KIRREL3: variants seen among roughly 807,000 people sequenced by gnomAD.
KIRREL3 encodes kin of IRRE-like protein 3.
A neutral mutation model predicts 89.7 loss-of-function variants in KIRREL3; 36 were observed. The ratio of observed to expected loss-of-function variants is 0.40; its 90% CI spans 0.31 to 0.53. The LOEUF is 0.53. KIRREL3 is among the 20% of genes least tolerant of loss of function. The pLI, the probability that KIRREL3 is intolerant of heterozygous loss-of-function variation, is 0.49. For missense variants in KIRREL3, 864 were observed against 1,056.6 expected (o/e 0.82, Z 2.53); for synonymous variants, 445 against 441.4 (o/e 1.01, Z -0.10).
At chr11:126,901,914 A>G (rs1413316473) in intron 1 of KIRREL3, among the ~76,000 whole-genome samples, 1 of 152,220 alleles carries the variant, frequency 6.6e-6, no homozygotes, top group Non-Finnish European at 1.5e-5. Flanking sequence ...TCGCAGCTAA[A>G]GTGACACCAG....
chr11:126,547,901 T>A (rs1186779505), intron 2 of KIRREL3, among the ~76,000 whole-genome samples: 2 of 152,344 alleles, frequency 1.3e-5, no homozygotes, highest in East Asian at 3.9e-4. Flanking sequence ...GGCGTTCAGC[T>A]GGCTTACTCT....
chr11:126,967,043 C>T (rs553190676), intron 1 of KIRREL3, among the ~76,000 whole-genome samples: 1 of 152,184 alleles, frequency 6.6e-6, no homozygotes, highest in South Asian at 2.1e-4. Context: ...CTCTGTAAGC[C>T]CAGAGAGCTG....
chr11:126,842,394 A>G (rs71475983), intron 1 of KIRREL3, among the ~76,000 whole-genome samples: 1,533 of 152,276 alleles, frequency 0.01, 15 homozygotes, highest in Non-Finnish European at 0.015. Flanking sequence ...AGGGTTCTGT[A>G]ATGTAAATCC....
At chr11:126,746,177 A>C (rs1949142925) in intron 1 of KIRREL3, among the ~76,000 whole-genome samples, 1 of 152,184 alleles carries the variant, frequency 6.6e-6, no homozygotes, top group Non-Finnish European at 1.5e-5. Flanking sequence ...TCTTTCACCT[A>C]TCCGGCAATT....
intron 1 of KIRREL3, among the ~76,000 whole-genome samples, chr11:126,950,799 A>C (rs1458964538): frequency 6.6e-6 from 1 of 152,206 alleles, no homozygotes; most frequent in Admixed American, 6.5e-5. Context: ...ATTTGCATAG[A>C]GCACCAAAGC....
In KIRREL3 at chr11:126,491,870, T is replaced by G. The variant is rs1379218119; in HGVS notation, c.434-18404A>C. Among the ~76,000 whole-genome samples the G allele has an allele frequency of 6.6e-6, 1 of 151,880 alleles. No individual in the cohort carries two copies. Among genetic ancestry groups the G allele is most frequent in the Non-Finnish European group, 1.5e-5 (1 of 67,982 alleles). ...GCGCGCACCACCATGCCTGGCTAATTTTTGTATTTTTAGTAGAGATGGGGT... is the reference window on the plus strand; with the variant it reads ...GCGCGCACCACCATGCCTGGCTAATGTTTGTATTTTTAGTAGAGATGGGGT... On this transcript the variant is annotated intron_variant, in intron 4 of 16. Coordinates refer to ENST00000525144, the MANE Select transcript of KIRREL3 (RefSeq NM_032531.4). The surrounding 1 kb of genome is among the most constrained non-coding windows in gnomAD (Gnocchi z 5.5).
chr11:126,916,244 C>T (rs1328542490), intron 1 of KIRREL3, among the ~76,000 whole-genome samples: 1 of 152,138 alleles, frequency 6.6e-6, no homozygotes, highest in East Asian at 1.9e-4. Flanking sequence ...TTCAGATCAC[C>T]TGAGTCTCAG....
Position 126,486,722 on chromosome 11 carries a change from C to A in KIRREL3, c.434-13256G>T, listed in dbSNP as rs116151035. Among the ~76,000 whole-genome samples the A allele has an allele frequency of 6.6e-6, 1 of 152,146 alleles. No homozygotes were observed. Among genetic ancestry groups the A allele is most frequent in the Non-Finnish European group, 1.5e-5 (1 of 68,036 alleles). ...TGGCCAAAACATTTGGGGCAAGTCA[C>A]GCAACTGGCAAGGACTCTGGCTCAG... On this transcript the variant is annotated intron_variant, in intron 4 of 16. Coordinates refer to ENST00000525144, the MANE Select transcript of KIRREL3 (RefSeq NM_032531.4). This position sits in a 1 kb window ranked among gnomAD's most constrained non-coding sequence, Gnocchi z 6.2.
chr11:126,911,004 C>G (rs981619118), intron 1 of KIRREL3, among the ~76,000 whole-genome samples: 1 of 152,178 alleles, frequency 6.6e-6, no homozygotes, highest in African/African-American at 2.4e-5. Flanking sequence ...TGCACCTGCC[C>G]TGGGCCACAG....
Position 126,431,516 on chromosome 11 carries a change from C to G in KIRREL3, c.1599G>C (p.Pro533=). The G allele has an allele frequency of 6.2e-7, 1 of 1,613,770 alleles. No homozygotes were observed. The highest frequency in any genetic ancestry group is 1.1e-5 in the South Asian group (1 of 91,080). Residue 533 remains proline (P), a synonymous_variant, in exon 14 of 17, where the codon CCG becomes CCC. Coordinates refer to ENST00000525144, the MANE Select transcript of KIRREL3 (RefSeq NM_032531.4). This position sits in a 1 kb window ranked among gnomAD's most constrained non-coding sequence, Gnocchi z 7.1. The stretch of plus-strand genomic sequence containing the variant: ...CGGCCACCCCAATGATGACGGCCAT[C>G]GGCACAGACTCTGTGGGAGAGAAGC... ...SGAGLEAESV[P]MAVIIGVAVG...
chr11:126,950,073 C>T (rs1297254494), intron 1 of KIRREL3, among the ~76,000 whole-genome samples: 1 of 152,032 alleles, frequency 6.6e-6, no homozygotes, highest in Non-Finnish European at 1.5e-5. Context: ...CACTTTCCAC[C>T]CTTAAAATAT....
chr11:126,815,706 TG>T (rs1168349106), intron 1 of KIRREL3, among the ~76,000 whole-genome samples: 2 of 152,006 alleles, frequency 1.3e-5, no homozygotes, highest in Admixed American at 6.5e-5. Context: ...GCTAATTTTT[TG>T]TATGTTTTTA....
intron 1 of KIRREL3, among the ~76,000 whole-genome samples, chr11:126,852,414 A>G (rs1419494082): frequency 6.6e-6 from 1 of 152,176 alleles, no homozygotes; most frequent in African/African-American, 2.4e-5. Flanking sequence ...CCAATCATCT[A>G]ATCTCTCTTA....
At chr11:126,693,258 A>C (rs547372691) in intron 1 of KIRREL3, among the ~76,000 whole-genome samples, 2 of 152,150 alleles carry the variant, frequency 1.3e-5, no homozygotes, top group Non-Finnish European at 2.9e-5. Context: ...GTCTCCAGTA[A>C]AATACAAAAA....
intron 1 of KIRREL3, among the ~76,000 whole-genome samples, chr11:126,841,123 T>C (rs1226483420): frequency 2.0e-5 from 3 of 152,204 alleles, no homozygotes; most frequent in Non-Finnish European, 4.4e-5. Context: ...ATAGTGTATA[T>C]AGGGTTTGGG....
intron 1 of KIRREL3, among the ~76,000 whole-genome samples, chr11:126,960,593 G>A (rs1319872577): frequency 6.6e-6 from 1 of 152,200 alleles, no homozygotes; most frequent in East Asian, 1.9e-4. Flanking sequence ...TGAGTTGGCT[G>A]ATGGGTAGAG....
At chr11:126,816,996 G>A (rs531853158) in intron 1 of KIRREL3, among the ~76,000 whole-genome samples, 20 of 152,180 alleles carry the variant, frequency 1.3e-4, no homozygotes, top group South Asian at 6.2e-4. Context: ...AAGGAAACAC[G>A]TTACTTTAGG....
At position 126,501,504 on chromosome 11, in the gene KIRREL3, C is replaced by T. The variant is rs1414401587; in HGVS notation, c.433+19811G>A. 6.6e-6 allele frequency among the ~76,000 whole-genome samples: 1 copy of T among 152,130 alleles called. No individual in the cohort carries two copies. Among genetic ancestry groups the T allele is most frequent in the Admixed American group, 6.5e-5 (1 of 15,274 alleles). The stretch of plus-strand genomic sequence containing the variant: ...GCCCGTCCTGGGTCCTGTTGATGTG[C>T]TACACATTGCAGGGAGCATTTTCAT... On this transcript the variant is annotated intron_variant, in intron 4 of 16. Transcript: ENST00000525144. The surrounding 1 kb of genome is among the most constrained non-coding windows in gnomAD (Gnocchi z 5.8).
intron 1 of KIRREL3, among the ~76,000 whole-genome samples, chr11:126,638,535 G>A (rs961753944): frequency 6.6e-6 from 1 of 152,212 alleles, no homozygotes; most frequent in Non-Finnish European, 1.5e-5. Context: ...TAAATGTGGA[G>A]CAATATTAAC....
Sources: gnomAD v4.1 joint callset for allele counts (sites outside exome capture counted in the v4.1 genomes callset) on GRCh38, gnomAD v4.1.1 for gene constraint, Gnocchi (gnomAD v3.1) non-coding constraint, MANE v1.5 for transcripts, NCBI Gene and HGNC (gene_info 2026-07-23, HGNC 2026-07-21) for gene names.